FAM153A: variants seen among roughly 807,000 people sequenced by gnomAD.
FAM153A encodes protein FAM153A.
A neutral mutation model predicts 48.1 loss-of-function variants in FAM153A; 12 were observed. That is an observed-to-expected ratio of 0.25 (90% CI 0.16 to 0.40). FAM153A has a LOEUF of 0.40. Ranked by LOEUF, FAM153A falls within the 10% of genes least tolerant of loss-of-function variation. The pLI is 1.00. For missense variants in FAM153A, 111 were observed against 345.8 expected (o/e 0.32, Z 5.38); for synonymous variants, 36 against 118.2 (o/e 0.30, Z 4.51).
rs1343890199 is a variant in FAM153A at position 177,737,197 on chromosome 5, G to A, written c.563-85C>T. The stretch of plus-strand genomic sequence containing the variant: ...TTGGAGCTGTGGACACGGGGCTGGC[G>A]TGTGTGGAAAGGTGTGTTCACAGCA... On this transcript the variant is annotated intron_variant, in intron 10 of 20. Transcript: ENST00000614127. The A allele has an allele frequency of 5.3e-5, 82 of 1,537,156 alleles. No homozygotes were observed. In the East Asian group the frequency reaches 1.1e-3, roughly 20 times the overall value.
chr5:177,753,643 T>C (rs574035214), upstream of FAM153A, among the ~76,000 whole-genome samples: 2,119 of 149,900 alleles, frequency 0.014, 75 homozygotes, highest in African/African-American at 0.051. Flanking sequence ...CAGAGAGTCC[T>C]AGCTTCAACA....
the FAM153A span, among the ~76,000 whole-genome samples, chr5:177,702,400 A>C: frequency 1.3e-5 from 2 of 151,884 alleles, no homozygotes; most frequent in Non-Finnish European, 2.9e-5. Context: ...ATGCATGAGC[A>C]AAGAAATGAC....
chr5:177,701,536 G>A, the FAM153A span, among the ~76,000 whole-genome samples: 1 of 151,820 alleles, frequency 6.6e-6, no homozygotes, highest in Non-Finnish European at 1.5e-5. Context: ...CTGCACTCCA[G>A]CCTGGGTGAC....
At chr5:177,716,396 A>G (rs1299720989) in exon 25 of FAM153A, 2 of 151,964 alleles carry the variant, frequency 1.3e-5, no homozygotes, top group Non-Finnish European at 2.9e-5. Flanking sequence ...TCAGAACTTG[A>G]GAACTTCTTT....
At chr5:177,779,393 CAT>C (rs911284971) in intron 1 of FAM153A, 7 of 123,778 alleles carry the variant, frequency 5.7e-5, no homozygotes, top group Admixed American at 5.0e-4. Context: ...GAATATGTAA[CAT>C]AACTTGTGCT....
chr5:177,759,306 A>C lies in FAM153A; in HGVS notation c.-56-10607T>G, dbSNP rs1394273857. Among the ~76,000 whole-genome samples the C allele has an allele frequency of 9.2e-5, 14 of 151,884 alleles. No individual in the cohort carries two copies. The South Asian group carries it at 2.7e-3, about 29-fold the overall frequency. On this transcript the variant is annotated intron_variant, in intron 1 of 8. Transcript: ENST00000393518. ...CCAGTTAGAATGGTGATCTTTAAAA[A>C]GTCAGGAAACGACAGGTGCTGGAGA...
intron 1 of FAM153A, among the ~76,000 whole-genome samples, chr5:177,779,308 G>T (rs181910081): frequency 8.5e-6 from 1 of 117,876 alleles, no homozygotes. Context: ...GTGTGTGTGC[G>T]CACCCGAACG....
exon 27 of FAM153A, chr5:177,712,922 T>G (rs887467633): frequency 6.6e-6 from 1 of 151,872 alleles, no homozygotes; most frequent in Non-Finnish European, 1.5e-5. Context: ...CTCCAAACAT[T>G]AATTTGTGGT....
chr5:177,778,261 TAAAAAA>T (rs774084490), intron 1 of FAM153A, among the ~76,000 whole-genome samples: 1 of 20,038 alleles, frequency 5.0e-5, no homozygotes, highest in Admixed American at 8.8e-4. Context: ...TAGAGTATAA[TAAAAAA>T]AAAAAAAAAA....
exon 21 of FAM153A, chr5:177,723,727 TG>T (rs1761685757): frequency 5.8e-6 from 1 of 171,344 alleles, no homozygotes; most frequent in African/African-American, 3.2e-5. Context: ...CTGGGTCGGG[TG>T]GGCTGCTCGC....
At chr5:177,753,130 T>C in intron 1 of FAM153A, 2 of 1,565,602 alleles carry the variant, frequency 1.3e-6, no homozygotes, top group African/African-American at 1.4e-5. Flanking sequence ...GAAAACTGGC[T>C]CATCTGAAGA....
chr5:177,782,767 C>G (rs1242521741), upstream of FAM153A: 1 of 90,344 alleles, frequency 1.1e-5, no homozygotes, highest in African/African-American at 4.3e-5. Context: ...AGCCCAGAAT[C>G]CGCGATCCCG....
At chr5:177,749,908 A>C (rs1561934081) in intron 2 of FAM153A, among the ~76,000 whole-genome samples, 1 of 144,658 alleles carries the variant, frequency 6.9e-6, no homozygotes, top group Non-Finnish European at 1.5e-5. Context: ...TACCCAGCTA[A>C]ATTAGAAAAT....
chr5:177,738,170 C>T (rs1480880531), intron 10 of FAM153A, among the ~76,000 whole-genome samples: 1 of 151,312 alleles, frequency 6.6e-6, no homozygotes, highest in East Asian at 1.9e-4. Context: ...CAGGATAACA[C>T]CCAAGTTTTT....
the FAM153A span, among the ~76,000 whole-genome samples, chr5:177,696,104 C>A: frequency 1.7e-5 from 2 of 119,736 alleles, no homozygotes; most frequent in Admixed American, 8.7e-5. Flanking sequence ...ACTTCCCAGA[C>A]GGGGTGGCGG....
chr5:177,715,612 C>G (rs966056806), intron 25 of FAM153A, among the ~76,000 whole-genome samples: 7 of 151,704 alleles, frequency 4.6e-5, no homozygotes, highest in Non-Finnish European at 1.0e-4. Context: ...CCTGTACTTG[C>G]CTTCACACTG....
chr5:177,744,770 C>A (rs1765744824), intron 5 of FAM153A, 118 bp downstream of exon 7: 1 of 453,322 alleles, frequency 2.2e-6, no homozygotes, highest in Admixed American at 4.1e-5. Context: ...ACAATTCCCC[C>A]CAAGGACACT....
intron 24 of FAM153A, among the ~76,000 whole-genome samples, chr5:177,716,783 A>C (rs1057080701): frequency 1.3e-5 from 2 of 151,930 alleles, no homozygotes; most frequent in African/African-American, 4.9e-5. Context: ...AAAAATCAAG[A>C]GGACTAATAG....
At chr5:177,764,282 G>T (rs539818229) in intron 1 of FAM153A, among the ~76,000 whole-genome samples, 1 of 151,546 alleles carries the variant, frequency 6.6e-6, no homozygotes, top group Admixed American at 6.6e-5. Context: ...GGCCCAAGAC[G>T]AATGGCTCTT....
Sources: gnomAD v4.1 joint callset for allele counts (sites outside exome capture counted in the v4.1 genomes callset) on GRCh38, gnomAD v4.1.1 for gene constraint, MANE v1.5 for transcripts, NCBI Gene and HGNC (gene_info 2026-07-23, HGNC 2026-07-21) for gene names.